Variants in NRBP2 observed in about 807,000 individuals in gnomAD.
The protein encoded by NRBP2 is nuclear receptor binding protein 2, also known as nuclear receptor-binding protein 2.
NRBP2 carries 47 observed loss-of-function variants against 74.4 expected under a neutral mutation model. The ratio of observed to expected loss-of-function variants is 0.63; its 90% confidence interval spans 0.50 to 0.81. The LOEUF is 0.81. Among genes scored for constraint, NRBP2 ranks in the 30% least tolerant of loss-of-function variants. The pLI is 0.00. For missense variants in NRBP2, 613 were observed against 690.1 expected (o/e 0.89, Z 1.25); for synonymous variants, 312 against 273.8 (o/e 1.14, Z -1.38).
rs1454797891 is a variant in NRBP2 at position 143,840,653 on chromosome 8, C to T, written c.129+53G>A. The T allele has an allele frequency of 6.4e-6, 9 of 1,410,718 alleles. No homozygotes were observed. In the African/African-American group the frequency reaches 9.0e-5, roughly 14 times the overall value. The allele number at this position is 1,410,718 out of a possible 1,614,324, so 87.4% of individuals were successfully genotyped here. On this transcript the variant is annotated intron_variant, in intron 1 of 17. Transcript: ENST00000442628. This position sits in a 1 kb window ranked among gnomAD's most constrained non-coding sequence, Gnocchi z 5.7. Reference sequence around the variant, plus strand: ...CCCACGCCCCGCGCAGCCTCCAGGCCCCTCCCGCTCTGGGAGGGCGGTGTC... The same window carrying T: ...CCCACGCCCCGCGCAGCCTCCAGGCTCCTCCCGCTCTGGGAGGGCGGTGTC...
In NRBP2 at chr8:143,839,708, C is replaced by T. The variant is rs562626710; in HGVS notation, c.444+28G>A. 38 of 1,533,862 alleles carry T rather than the reference C, an allele frequency of 2.5e-5. No homozygotes were observed. In the African/African-American group the frequency reaches 3.6e-4, roughly 14 times the overall value. ...GGCTGCCCCAACCCCGTCCTGTCCC[C>T]GTGGCTGCCCCAGCCCGCTCCCCAT... On this transcript the variant is annotated intron_variant, in intron 4 of 17. Transcript: ENST00000442628. This position sits in a 1 kb window ranked among gnomAD's most constrained non-coding sequence, Gnocchi z 5.1.
At chr8:143,838,378 C>T (rs966670554) in intron 10 of NRBP2, among the ~76,000 whole-genome samples, 1 of 152,376 alleles carries the variant, frequency 6.6e-6, no homozygotes, top group Middle Eastern at 3.4e-3. Context: ...ACTCTAAAGC[C>T]TTGGGCAAAG....
In NRBP2 at chr8:143,839,305, C is replaced by G; in HGVS notation, c.580+9G>C. ...CCCGTTCCCCCACCCAGCCCTGCCC[C>G]GCCAGCACCGGAGCCGATCTTGATG... On this transcript the variant is annotated intron_variant, in intron 6 of 17. Coordinates refer to ENST00000442628, the MANE Select transcript of NRBP2 (RefSeq NM_178564.4). This position sits in a 1 kb window ranked among gnomAD's most constrained non-coding sequence, Gnocchi z 5.1. The G allele has an allele frequency of 1.3e-6, 2 of 1,552,390 alleles. No individual in the cohort carries two copies. The highest frequency in any genetic ancestry group is 1.7e-6 in the Non-Finnish European group (2 of 1,156,320).
Position 143,840,669 on chromosome 8 carries a change from G to C in NRBP2, c.129+37C>G. On this transcript the variant is annotated intron_variant, in intron 1 of 17. Coordinates refer to ENST00000442628, the MANE Select transcript of NRBP2 (RefSeq NM_178564.4). This position sits in a 1 kb window ranked among gnomAD's most constrained non-coding sequence, Gnocchi z 5.7. ...CCTCCAGGCCCCTCCCGCTCTGGGA[G>C]GGCGGTGTCACCCCGTGCCCCAACC... The C allele has an allele frequency of 2.1e-6, 3 of 1,432,612 alleles. No homozygotes were observed. The highest frequency in any genetic ancestry group is 2.8e-6 in the Non-Finnish European group (3 of 1,089,436). The allele number at this position is 1,432,612 out of a possible 1,614,324, so 88.7% of individuals were successfully genotyped here.
rs1554652379 is a variant in NRBP2, at chr8:143,837,855, C to G, written c.841-100G>C. On this transcript the variant is annotated intron_variant, in intron 10 of 17. Coordinates refer to ENST00000442628, the MANE Select transcript of NRBP2 (RefSeq NM_178564.4). This position sits in a 1 kb window ranked among gnomAD's most constrained non-coding sequence, Gnocchi z 4.3. ...CCCCTGAGTTCCCCATGTCCCTCCT[C>G]AGGGACACACAGGACATGCAGGGAT... is the stretch of plus-strand genomic sequence containing the variant. 1 of 1,369,712 alleles carries G rather than the reference C, an allele frequency of 7.3e-7. No individual in the cohort carries two copies. The highest frequency in any genetic ancestry group is 1.4e-5 in the African/African-American group (1 of 69,898). The allele number at this position is 1,369,712 out of a possible 1,614,324, so 84.8% of individuals were successfully genotyped here.
At position 143,840,827 on chromosome 8, in the gene NRBP2, G is replaced by A. The variant is rs1271573928; in HGVS notation, c.8C>T (p.Ala3Val). 1.1e-5 allele frequency: 16 copies of A among 1,488,188 alleles called. No homozygotes were observed. The highest frequency in any genetic ancestry group is 4.4e-5 in the African/African-American group (3 of 68,494). The allele number at this position is 1,488,188 out of a possible 1,614,324, so 92.2% of individuals were successfully genotyped here. Residue 3 changes from alanine to valine, a missense_variant, in exon 1 of 18, where the codon GCC becomes GTC. By Grantham distance (64) the Ala-to-Val change is moderately conservative. Around this residue, in one of 2 missense-constraint regions of NRBP2, gnomAD observed 332 missense variants for 429.2 expected, o/e 0.77. Transcript: ENST00000442628. The surrounding 1 kb of genome is among the most constrained non-coding windows in gnomAD (Gnocchi z 5.7). ...GGCCCGCCTCGGCGCCGGCTCCGGG[G>A]CCGCCATGGTTCGGCCAGCCCAGGC... MAAPEPAPRRARE... is the reference protein window; with the variant it reads MAVPEPAPRRARE...
rs1326884562 is a variant in NRBP2 at position 143,836,158 on chromosome 8, A to G, written c.1286T>C (p.Leu429Pro). 2 of 1,587,312 alleles carry G rather than the reference A, an allele frequency of 1.3e-6. No homozygotes were observed. ...GCGCGCCTTGTCCTCGCTTCTCTCC[A>G]GGTTGCACTGCATCTGGATGACCTG... Reference protein sequence around the residue: ...TRKVIQMQCNLERSEDKARWH... With the variant: ...TRKVIQMQCNPERSEDKARWH... Residue 429 changes from leucine (L) to proline (P), a missense_variant, in exon 15 of 18, where the codon CTG becomes CCG. Transcript: ENST00000442628.
downstream of NRBP2, among the ~76,000 whole-genome samples, chr8:143,830,242 T>G (rs1162110483): frequency 1.3e-5 from 2 of 152,270 alleles, no homozygotes; most frequent in East Asian, 3.8e-4. Context: ...AGCTGGGATA[T>G]TGCAGAGCTT....
Position 143,840,533 on chromosome 8 carries a change from G to C in NRBP2, c.129+173C>G, listed in dbSNP as rs1392997756. The stretch of plus-strand genomic sequence containing the variant: ...GGAGACTGGCCCTCAGGGAGTCCCA[G>C]GGCGAGCGCCAGGCCAAAGGGGTCC... On this transcript the variant is annotated intron_variant, in intron 1 of 17. Transcript: ENST00000442628. The surrounding 1 kb of genome is among the most constrained non-coding windows in gnomAD (Gnocchi z 5.7). 7.0e-6 allele frequency: 5 copies of C among 710,384 alleles called. No homozygotes were observed. The highest frequency in any genetic ancestry group is 9.0e-6 in the Non-Finnish European group (4 of 446,874). The allele number at this position is 710,384 out of a possible 1,614,324, so 44.0% of individuals were successfully genotyped here.
chr8:143,831,147 TG>T (rs1265352512), downstream of NRBP2, among the ~76,000 whole-genome samples: 1 of 152,238 alleles, frequency 6.6e-6, no homozygotes, highest in Non-Finnish European at 1.5e-5. Flanking sequence ...GCAGGATGCA[TG>T]GTGCCCAGGA....
chr8:143,832,760 G>C (rs1255901311), downstream of NRBP2, among the ~76,000 whole-genome samples: 3 of 149,542 alleles, frequency 2.0e-5, no homozygotes, highest in African/African-American at 7.3e-5. Context: ...CCCCCTCTTC[G>C]AGAAACACCC....
At chr8:143,831,970 G>C (rs547584327), downstream of NRBP2, among the ~76,000 whole-genome samples, 1 of 152,338 alleles carries the variant, frequency 6.6e-6, no homozygotes, top group South Asian at 2.1e-4. Flanking sequence ...TTAAGCATAT[G>C]TGAGGTTAGC....
chr8:143,832,161 A>G (rs1436497026), downstream of NRBP2, among the ~76,000 whole-genome samples: 1 of 152,078 alleles, frequency 6.6e-6, no homozygotes, highest in African/African-American at 2.4e-5. Flanking sequence ...GTGTCAACTC[A>G]GAGTTGAATG....
chr8:143,835,794 A>G lies in NRBP2; in HGVS notation c.1437+26T>C. On this transcript the variant is annotated intron_variant, in intron 17 of 17. Coordinates refer to ENST00000442628, the MANE Select transcript of NRBP2 (RefSeq NM_178564.4). This position sits in a 1 kb window ranked among gnomAD's most constrained non-coding sequence, Gnocchi z 4.9. ...GCCTGCCCCGTGCGCCCCCTCCGCC[A>G]GGCCGCGCCGCACCGCCCAGCGCAC... 6.2e-7 allele frequency: 1 copy of G among 1,601,446 alleles called. No individual in the cohort carries two copies. Among genetic ancestry groups the G allele is most frequent in the Non-Finnish European group, 8.5e-7 (1 of 1,174,564 alleles).
At chr8:143,838,139 C>T in intron 10 of NRBP2, 1 of 441,650 alleles carries the variant, frequency 2.3e-6, no homozygotes, top group Non-Finnish European at 4.2e-6. Context: ...AGCCCGGCTC[C>T]AGCTCGCCAC....
chr8:143,840,271 A>G lies in NRBP2; in HGVS notation c.130-42T>C, dbSNP rs555275877. On this transcript the variant is annotated intron_variant, in intron 1 of 17. Transcript: ENST00000442628. The surrounding 1 kb of genome is among the most constrained non-coding windows in gnomAD (Gnocchi z 5.7). The stretch of plus-strand genomic sequence containing the variant: ...GGTTATGTGTGCCCTGGTGTGTGTC[A>G]GGGTTGTGGGTGAGGATTTGGTCCC... 563 of 1,533,846 alleles carry G rather than the reference A, an allele frequency of 3.7e-4. 5 individuals carry two copies. In the South Asian group the frequency reaches 4.9e-3, roughly 13 times the overall value.
rs782190266 is a variant in NRBP2 at position 143,837,581 on chromosome 8, C to T, written c.973+42G>A. The T allele has an allele frequency of 2.5e-5, 40 of 1,595,298 alleles. No individual in the cohort carries two copies. In the Middle Eastern group the frequency reaches 1.0e-3, roughly 40 times the overall value. ...TGCAGGGCCCCTTCCACGTCCCAAC[C>T]TCCACCTCCCCAGCCACCCCCCGGG... On this transcript the variant is annotated intron_variant, in intron 11 of 17. Transcript: ENST00000442628. The surrounding 1 kb of genome is among the most constrained non-coding windows in gnomAD (Gnocchi z 4.3).
Position 143,840,766 on chromosome 8 carries a change from C to T in NRBP2, c.69G>A (p.Glu23=). 3.3e-6 allele frequency: 5 copies of T among 1,514,254 alleles called. No homozygotes were observed. Among genetic ancestry groups the T allele is most frequent in the African/African-American group, 1.4e-5 (1 of 70,074 alleles). 93.8% of individuals were successfully genotyped at this position (1,514,254 alleles called of 1,614,324 possible). A position where few individuals can be genotyped will look rare whatever the true frequency, so the allele number is the denominator to read the frequency against. ...EREREREDES[E]DESDILEESP... The stretch of plus-strand genomic sequence containing the variant: ...TTTCCTCCAGGATGTCGCTCTCGTC[C>T]TCGCTCTCGTCCTCCCGCTCCCGCT... The change falls in exon 1 of 18, where the codon GAG becomes GAA. Residue 23 remains glutamate (E), a synonymous_variant. Transcript: ENST00000442628. This position sits in a 1 kb window ranked among gnomAD's most constrained non-coding sequence, Gnocchi z 5.7.
chr8:143,832,967 A>G (rs1168877279), downstream of NRBP2, among the ~76,000 whole-genome samples: 1 of 152,234 alleles, frequency 6.6e-6, no homozygotes, highest in African/African-American at 2.4e-5. Flanking sequence ...AAAGACAAAC[A>G]GGTAAAGACT....
Sources: gnomAD v4.1 joint callset for allele counts (sites outside exome capture counted in the v4.1 genomes callset) on GRCh38, gnomAD v4.1.1 for gene constraint, gnomAD v4.1.1 regional missense constraint, Gnocchi (gnomAD v3.1) non-coding constraint, MANE v1.5 for transcripts, NCBI Gene and HGNC (gene_info 2026-07-23, HGNC 2026-07-21) for gene names.